Variants in RBMS2 observed in about 807,000 individuals in gnomAD.
The protein encoded by RBMS2 is RNA-binding motif, single-stranded-interacting protein 2.
In RBMS2, 38 loss-of-function variants were observed where a neutral mutation model predicts 58.4. The observed-to-expected ratio is 0.65, with a 90% CI of 0.50 to 0.85. The LOEUF (loss-of-function observed/expected upper bound fraction) is 0.85, where lower values mean the gene tolerates loss of function less well. Ranked by LOEUF, RBMS2 falls within the 40% of genes least tolerant of loss-of-function variation. RBMS2 has a pLI of 0.00. For synonymous variants in RBMS2, 151 were observed against 180.7 expected, an observed-to-expected ratio of 0.84 and a Z score of 1.32; for missense variants, 367 against 503.7, an observed-to-expected ratio of 0.73 and a Z score of 2.60.
chr12:56,530,186 G>A (rs1873444971), intron 1 of RBMS2, among the ~76,000 whole-genome samples: 1 of 152,002 alleles, frequency 6.6e-6, no homozygotes, highest in Non-Finnish European at 1.5e-5. Context: ...GGGATTACAG[G>A]CGTGAGCCAC....
chr12:56,538,463 T>C lies in RBMS2; in HGVS notation c.66+16374T>C, dbSNP rs1875375739. Among the ~76,000 whole-genome samples, 4 of 132,542 alleles carry C rather than the reference T, an allele frequency of 3.0e-5. 1 individual carries two copies. The South Asian group carries it at 9.5e-4, about 31-fold the overall frequency. The allele number at this position is 132,542 out of a possible 152,430, so 87.0% of individuals were successfully genotyped here. On this transcript the variant is annotated intron_variant, in intron 1 of 13. Coordinates refer to ENST00000262031, the MANE Select transcript of RBMS2 (RefSeq NM_002898.4). ...TGCAGATTGCTTTGAGTAGTACTGA[T>C]ATCTTTTTTTTTTTTTTTTTTTTTT...
chr12:56,579,208 G>A (rs1301458727), intron 5 of RBMS2, among the ~76,000 whole-genome samples: 2 of 152,130 alleles, frequency 1.3e-5, no homozygotes, highest in African/African-American at 4.8e-5. Flanking sequence ...TTGAGATTCT[G>A]AAATGCTCCA....
chr12:56,536,538 TTTCTCTCC>T (rs1179278166), intron 1 of RBMS2, among the ~76,000 whole-genome samples: 1 of 151,618 alleles, frequency 6.6e-6, no homozygotes, highest in Non-Finnish European at 1.5e-5. Context: ...CTTTTCTCTC[TTTCTCTCC>T]TTCTCTCCTT....
chr12:56,538,025 TA>T (rs1555188568), intron 1 of RBMS2, among the ~76,000 whole-genome samples: 1 of 24,684 alleles, frequency 4.1e-5, no homozygotes, highest in Non-Finnish European at 1.2e-4. Flanking sequence ...TATTTTATTT[TA>T]TTTATTTATT....
intron 1 of RBMS2, among the ~76,000 whole-genome samples, chr12:56,556,425 G>T (rs866076229): frequency 6.7e-6 from 1 of 150,124 alleles, no homozygotes; most frequent in South Asian, 2.1e-4. Context: ...ACCCAGGCTG[G>T]AGTGCAGTGG....
intron 5 of RBMS2, among the ~76,000 whole-genome samples, chr12:56,577,335 C>T (rs1883275088): frequency 1.4e-5 from 2 of 147,366 alleles, no homozygotes; most frequent in African/African-American, 5.0e-5. Context: ...CATTTGAACC[C>T]AGGAGGCAGA....
chr12:56,581,260 C>T lies in RBMS2; in HGVS notation c.619C>T (p.Pro207Ser), dbSNP rs1434076333. 1.2e-6 allele frequency: 2 copies of T among 1,600,786 alleles called. No individual in the cohort carries two copies. Among genetic ancestry groups the T allele is most frequent in the Admixed American group, 1.7e-5 (1 of 59,982 alleles). ...GKYIKTPPGVPAPSDPLLCKF... is the reference protein window; with the variant it reads ...GKYIKTPPGVSAPSDPLLCKF... The stretch of plus-strand genomic sequence containing the variant: ...ATATATTAAGACACCCCCTGGAGTA[C>T]CAGGTGAGGCATCTGGGGCTCAGGC... The change falls in exon 6 of 14, where the codon CCA becomes TCA. Residue 207 changes from proline to serine, a missense_variant. Physicochemically the swap from Pro to Ser is moderately conservative, Grantham distance 74. Coordinates refer to ENST00000262031, the MANE Select transcript of RBMS2 (RefSeq NM_002898.4).
At chr12:56,571,603 A>G (rs1164589350) in intron 4 of RBMS2, 95 bp from the exon 5 acceptor site, 5 of 1,332,776 alleles carry the variant, frequency 3.8e-6, no homozygotes, top group East Asian at 5.1e-5. Context: ...GACCCTTCCT[A>G]TAGTCTCTTT....
rs116287412 is a variant in RBMS2 at position 56,552,231 on chromosome 12, T to C, written c.67-10186T>C. On this transcript the variant is annotated intron_variant, in intron 1 of 13. Coordinates refer to ENST00000262031, the MANE Select transcript of RBMS2 (RefSeq NM_002898.4). ...ATTTTTTTGTGTGAAATGCAGGAAT[T>C]TCAGTTTTATTCCCTGGAGGTGGGA... Among the ~76,000 whole-genome samples, 996 of 152,304 alleles carry C rather than the reference T, an allele frequency of 6.5e-3. 11 individuals carry two copies. Among genetic ancestry groups the C allele is most frequent in the African/African-American group, 0.023 (942 of 41,562 alleles).
intron 1 of RBMS2, among the ~76,000 whole-genome samples, chr12:56,557,326 G>T (rs1879411663): frequency 6.6e-6 from 1 of 152,052 alleles, no homozygotes; most frequent in Non-Finnish European, 1.5e-5. Context: ...TTACTTAGGG[G>T]CTTTCTTAAC....
intron 1 of RBMS2, among the ~76,000 whole-genome samples, chr12:56,555,475 C>CT (rs1879075850): frequency 6.6e-6 from 1 of 150,740 alleles, no homozygotes; most frequent in Non-Finnish European, 1.5e-5. Context: ...AAGACCTTGG[C>CT]CAGGTATGGT....
At chr12:56,565,563 G>A (rs1407937109) in intron 2 of RBMS2, among the ~76,000 whole-genome samples, 1 of 152,158 alleles carries the variant, frequency 6.6e-6, no homozygotes, top group Non-Finnish European at 1.5e-5. Context: ...ATGTAGGATC[G>A]AAGTAAGGAG....
At position 56,575,448 on chromosome 12, in the gene RBMS2, C is replaced by A. The variant is rs116228167; in HGVS notation, c.542+3593C>A. Reference sequence around the variant, plus strand: ...TGAGACCCTGTCTCAATAAATAAATCAATACAGGAATATGGGTAGGGCTGG... The same window carrying A: ...TGAGACCCTGTCTCAATAAATAAATAAATACAGGAATATGGGTAGGGCTGG... On this transcript the variant is annotated intron_variant, in intron 5 of 13. Coordinates refer to ENST00000262031, the MANE Select transcript of RBMS2 (RefSeq NM_002898.4). Among the ~76,000 whole-genome samples, 365 of 151,762 alleles carry A rather than the reference C, an allele frequency of 2.4e-3. 3 individuals are homozygous for A. Among genetic ancestry groups the A allele is most frequent in the African/African-American group, 8.3e-3 (344 of 41,364 alleles).
At chr12:56,549,654 A>G in intron 1 of RBMS2, among the ~76,000 whole-genome samples, 1 of 152,106 alleles carries the variant, frequency 6.6e-6, no homozygotes. Context: ...GAAGGGAAGG[A>G]TAGGACTGTA....
In RBMS2 at chr12:56,565,680, C is replaced by T. The variant is rs532695158; in HGVS notation, c.233+3097C>T. Among the ~76,000 whole-genome samples the T allele has an allele frequency of 1.8e-4, 28 of 152,180 alleles. No homozygotes were observed. The South Asian group carries it at 5.2e-3, about 28-fold the overall frequency. On this transcript the variant is annotated intron_variant, in intron 2 of 13. Transcript: ENST00000262031. Reference sequence around the variant, plus strand: ...GAGCAGGTGGGTGGAGCCCTCTGTCCGCTGTGAGCAGGGAGTTAAGCCTTT... The same window carrying T: ...GAGCAGGTGGGTGGAGCCCTCTGTCTGCTGTGAGCAGGGAGTTAAGCCTTT...
chr12:56,580,560 A>C (rs572214975), intron 5 of RBMS2, among the ~76,000 whole-genome samples: 1 of 151,918 alleles, frequency 6.6e-6, no homozygotes, highest in African/African-American at 2.4e-5. Flanking sequence ...GAGTGTCCTA[A>C]CTCACAGAGC....
intron 5 of RBMS2, among the ~76,000 whole-genome samples, chr12:56,574,109 A>C (rs1247226252): frequency 2.0e-5 from 3 of 152,118 alleles, no homozygotes; most frequent in Non-Finnish European, 1.5e-5. Context: ...CCAAAGTGCT[A>C]GGATTACAGG....
chr12:56,581,505 C>T lies in RBMS2; in HGVS notation c.729C>T (p.Asp243=), dbSNP rs1306949636. The change falls in exon 7 of 14, where the codon GAC becomes GAT. Residue 243 remains aspartate, a synonymous_variant. Transcript: ENST00000262031. ...QNGRAWPRNA[D]MGVMALTYDP... ...GACGGGCTTGGCCAAGGAATGCAGA[C>T]ATGGTAAGAGGACCTCTGAGGAGAC... is the stretch of plus-strand genomic sequence containing the variant. The T allele has an allele frequency of 6.2e-7, 1 of 1,613,112 alleles. No individual in the cohort carries two copies. The highest frequency in any genetic ancestry group is 8.5e-7 in the Non-Finnish European group (1 of 1,179,088).
intron 1 of RBMS2, among the ~76,000 whole-genome samples, chr12:56,523,221 G>T (rs1872059666): frequency 6.6e-6 from 1 of 152,136 alleles, no homozygotes; most frequent in Non-Finnish European, 1.5e-5. Flanking sequence ...GGGAGCTATA[G>T]GTCAGAGGAT....
Sources: allele counts gnomAD v4.1 joint callset (sites outside exome capture counted in the v4.1 genomes callset), GRCh38; gene constraint gnomAD v4.1.1; transcripts MANE v1.5; gene names NCBI Gene and HGNC (gene_info 2026-07-23, HGNC 2026-07-21).